The following CDS1 variants were observed in gnomAD, a reference collection of about 807,000 sequenced individuals.
The protein encoded by CDS1 is CDP-diacylglycerol synthase 1.
Under a neutral mutation model 62.1 loss-of-function variants are expected in CDS1, and 41 were observed. The observed-to-expected ratio is 0.66, with a 90% CI of 0.51 to 0.86. CDS1 has a LOEUF of 0.86. CDS1 is among the 40% of genes least tolerant of loss of function. CDS1 has a pLI of 0.00. For missense variants in CDS1, 470 were observed against 550.1 expected (o/e 0.85, Z 1.46); for synonymous variants, 185 against 192.6 (o/e 0.96, Z 0.32).
rs55950092 is a variant in CDS1 at position 84,645,462 on chromosome 4, G to T, written c.1256+137G>T. The T allele has an allele frequency of 1.3e-5, 8 of 610,440 alleles. No homozygotes were observed. In the Admixed American group the frequency reaches 2.4e-4, roughly 18 times the overall value. 37.8% of individuals were successfully genotyped at this position (610,440 alleles called of 1,614,324 possible). On this transcript the variant is annotated intron_variant, in intron 12 of 12. Transcript: ENST00000295887. ...GTGAATGGTGGCCCCTGGAATTAGA[G>T]TCTTGAGCAAGATGGTTAACTTGTA... is the stretch of plus-strand genomic sequence containing the variant.
At chr4:84,609,026 AC>A (rs1428072395) in intron 2 of CDS1, among the ~76,000 whole-genome samples, 24 of 151,738 alleles carry the variant, frequency 1.6e-4, no homozygotes, top group Non-Finnish European at 3.2e-4. Flanking sequence ...AAAATACAAA[AC>A]AATTAGCCGG....
At chr4:84,616,981 G>A (rs530359119) in intron 3 of CDS1, among the ~76,000 whole-genome samples, 17 of 152,342 alleles carry the variant, frequency 1.1e-4, no homozygotes, top group Admixed American at 5.9e-4. Flanking sequence ...AGGTAGCCCA[G>A]CTTAGATTGA....
rs1173468687 is a variant in CDS1 at position 84,637,353 on chromosome 4, CAA to C, written c.811-1570_811-1569del. Among the ~76,000 whole-genome samples, 4 of 152,118 alleles carry C rather than the reference CAA, an allele frequency of 2.6e-5. No homozygotes were observed. The East Asian group carries it at 7.7e-4, about 29-fold the overall frequency. The stretch of plus-strand genomic sequence containing the variant: ...GAGCTTTAATTGGCTTATGGTTCTG[CAA>C]GCTGTACAGGAAGCATGGCTGGGGA... On this transcript the variant is annotated intron_variant, in intron 8 of 12. Coordinates refer to ENST00000295887, the MANE Select transcript of CDS1 (RefSeq NM_001263.4).
chr4:84,640,772 T>A, intron 9 of CDS1, 66 bp from the exon 10 acceptor site: 1 of 1,263,050 alleles, frequency 7.9e-7, no homozygotes. Context: ...AAGATATATG[T>A]TTAGTCAATG....
chr4:84,632,121 G>A (rs988172681), intron 6 of CDS1, among the ~76,000 whole-genome samples: 2 of 152,152 alleles, frequency 1.3e-5, no homozygotes, highest in Non-Finnish European at 2.9e-5. Flanking sequence ...TTCAAATGGT[G>A]TAAAATTAAA....
intron 8 of CDS1, among the ~76,000 whole-genome samples, chr4:84,635,696 T>TTCCCTCCTTCCC (rs1724184086): frequency 1.7e-5 from 1 of 58,408 alleles, no homozygotes; most frequent in Non-Finnish European, 3.3e-5. Context: ...CCTTCCCTCC[T>TTCCCTCCTTCCC]TCCCTCCCTC....
At chr4:84,615,566 G>A (rs555916813) in intron 3 of CDS1, among the ~76,000 whole-genome samples, 36 of 151,946 alleles carry the variant, frequency 2.4e-4, no homozygotes, top group African/African-American at 8.5e-4. Flanking sequence ...TCCTCCTCTG[G>A]CTCTGCCGTT....
chr4:84,583,385 C>T lies in CDS1; in HGVS notation c.-17C>T. 1.3e-6 allele frequency: 2 copies of T among 1,578,900 alleles called. No individual in the cohort carries two copies. Among genetic ancestry groups the T allele is most frequent in the South Asian group, 1.1e-5 (1 of 90,054 alleles). ...GGGGTGCTTGAGGAGGCCGCCACGG[C>T]AGCGCGGGAGCGGAAGATGTTGGAG... is the stretch of plus-strand genomic sequence containing the variant. On this transcript the variant is annotated 5_prime_UTR_variant, in exon 1 of 13. Coordinates refer to ENST00000295887, the MANE Select transcript of CDS1 (RefSeq NM_001263.4).
intron 12 of CDS1, among the ~76,000 whole-genome samples, chr4:84,648,175 C>G (rs570043633): frequency 6.6e-6 from 1 of 152,196 alleles, no homozygotes; most frequent in Admixed American, 6.5e-5. Context: ...TTCATGCCCT[C>G]TTTTTGGTTT....
intron 1 of CDS1, among the ~76,000 whole-genome samples, chr4:84,595,760 G>A (rs1384432067): frequency 6.6e-6 from 1 of 152,188 alleles, no homozygotes; most frequent in South Asian, 2.1e-4. Context: ...TAATAATTCA[G>A]ATTTTGAGTG....
chr4:84,586,758 G>T (rs891265871), intron 1 of CDS1, among the ~76,000 whole-genome samples: 1 of 152,162 alleles, frequency 6.6e-6, no homozygotes, highest in Non-Finnish European at 1.5e-5. Context: ...TTTAGCAAAA[G>T]ATCTAAGTAG....
chr4:84,598,264 G>A (rs1054024466), intron 1 of CDS1, among the ~76,000 whole-genome samples: 1 of 152,056 alleles, frequency 6.6e-6, no homozygotes. Flanking sequence ...CTCCTTTCAG[G>A]TGTGGAGCTC....
intron 2 of CDS1, among the ~76,000 whole-genome samples, chr4:84,605,888 G>C (rs1723078146): frequency 6.6e-6 from 1 of 152,072 alleles, no homozygotes; most frequent in South Asian, 2.1e-4. Context: ...TGGAAACGTA[G>C]GCAGATATTA....
chr4:84,646,665 A>G (rs1724566713), intron 12 of CDS1, among the ~76,000 whole-genome samples: 1 of 152,102 alleles, frequency 6.6e-6, no homozygotes. Flanking sequence ...AGTATTTTAT[A>G]ATTTTTGAGA....
chr4:84,630,241 A>ATC (rs141056789), intron 5 of CDS1, among the ~76,000 whole-genome samples: 38 of 151,982 alleles, frequency 2.5e-4, no homozygotes, highest in Admixed American at 4.6e-4. Context: ...ATGTTTTAGT[A>ATC]TCTCTCTCTC....
intron 3 of CDS1, among the ~76,000 whole-genome samples, chr4:84,609,881 T>C (rs944365706): frequency 8.6e-5 from 13 of 151,298 alleles, no homozygotes; most frequent in African/African-American, 3.2e-4. Context: ...AAGCTTGGAG[T>C]AGTGGTTCAC....
chr4:84,595,904 T>A (rs765397737), intron 1 of CDS1, among the ~76,000 whole-genome samples: 1 of 152,202 alleles, frequency 6.6e-6, no homozygotes, highest in Non-Finnish European at 1.5e-5. Context: ...TAATGTATAA[T>A]AGAATGAGAT....
chr4:84,610,749 T>G (rs914999292), intron 3 of CDS1, among the ~76,000 whole-genome samples: 2 of 152,152 alleles, frequency 1.3e-5, no homozygotes, highest in Non-Finnish European at 2.9e-5. Context: ...ATGATTTTAT[T>G]CCAGTTGCCA....
intron 3 of CDS1, among the ~76,000 whole-genome samples, chr4:84,614,536 G>GA (rs1291188258): frequency 6.6e-6 from 1 of 151,994 alleles, no homozygotes; most frequent in East Asian, 1.9e-4. Context: ...TATTTTCTTA[G>GA]AAAAAATTTG....
Sources: gnomAD v4.1 joint callset for allele counts (sites outside exome capture counted in the v4.1 genomes callset) on GRCh38, gnomAD v4.1.1 for gene constraint, MANE v1.5 for transcripts, NCBI Gene and HGNC (gene_info 2026-07-23, HGNC 2026-07-21) for gene names.